The following RIF1 variants were observed in gnomAD, a reference collection of about 807,000 sequenced individuals.
RIF1 encodes telomere-associated protein RIF1.
Under a neutral mutation model 247.1 loss-of-function variants are expected in RIF1, and 45 were observed. The ratio of observed to expected loss-of-function variants is 0.18; its 90% CI spans 0.14 to 0.23. The LOEUF is 0.23. Among genes scored for constraint, RIF1 ranks in the 10% least tolerant of loss-of-function variants. The probability of loss-of-function intolerance (pLI) is 1.00; values close to 1 mark genes in which losing one functional copy is unlikely to be tolerated. For missense variants in RIF1, 2,967 were observed against 2,862.5 expected (o/e 1.04, Z -0.83); for synonymous variants, 1,087 against 978.8 (o/e 1.11, Z -2.06).
Position 151,490,351 on chromosome 2 carries a change from A to C in RIF1, c.*416-4878A>C, listed in dbSNP as rs187316268. ...GAGCTGGCCGGGTGGGACTGCCAAA[A>C]TCAGCGCCAGGCACTTGTACCTGTT... On this transcript the variant is annotated intron_variant and NMD_transcript_variant, in intron 9 of 13. Coordinates refer to the RIF1 transcript ENST00000454583. The C allele has an allele frequency of 8.2e-6, 13 of 1,581,698 alleles. No homozygotes were observed. The African/African-American group carries it at 1.2e-4, about 15-fold the overall frequency.
chr2:151,426,035 C>G (rs1471332134), intron 8 of RIF1, among the ~76,000 whole-genome samples: 2 of 151,624 alleles, frequency 1.3e-5, no homozygotes, highest in Non-Finnish European at 2.9e-5. Flanking sequence ...TATCCAAGCT[C>G]AGTATTCTAT....
chr2:151,436,618 ATG>A (rs1205837730), intron 11 of RIF1, among the ~76,000 whole-genome samples: 2 of 151,904 alleles, frequency 1.3e-5, no homozygotes, highest in African/African-American at 2.4e-5. Context: ...TATGATATAC[ATG>A]TGTGTCATAT....
At chr2:151,506,521 T>C (rs2069023118) in intron 13 of RIF1, 3 of 450,300 alleles carry the variant, frequency 6.7e-6, no homozygotes, top group Non-Finnish European at 1.2e-5. Context: ...AGCCAGGAAA[T>C]GTTGATTAAC....
chr2:151,503,482 C>T (rs778721485), intron 12 of RIF1: 44 of 1,397,590 alleles, frequency 3.1e-5, no homozygotes, highest in Middle Eastern at 1.8e-4. Context: ...GTAAAATGAC[C>T]GTAAATCCTT....
At chr2:151,457,475 A>G (rs908849016) in intron 23 of RIF1, among the ~76,000 whole-genome samples, 1 of 152,182 alleles carries the variant, frequency 6.6e-6, no homozygotes, top group African/African-American at 2.4e-5. Flanking sequence ...ATTGGACCCA[A>G]AGTTTTCTAG....
chr2:151,455,319 T>C (rs897829568), intron 22 of RIF1, among the ~76,000 whole-genome samples, 160 bp downstream of exon 22: 13 of 152,222 alleles, frequency 8.5e-5, no homozygotes, highest in African/African-American at 2.9e-4. Flanking sequence ...GTTAAAATAG[T>C]ATAGAAATAT....
chr2:151,515,016 T>C, the RIF1 span: 1 of 797,524 alleles, frequency 1.3e-6, no homozygotes. Context: ...AAAAACAGCA[T>C]TTTCTATGTA....
chr2:151,509,027 T>TAGGGCTG (rs563284532), downstream of RIF1, among the ~76,000 whole-genome samples: 1 of 152,230 alleles, frequency 6.6e-6, no homozygotes, highest in African/African-American at 2.4e-5. Context: ...TTTTAGTTTG[T>TAGGGCTG]AGGGCTGAGG....
At chr2:151,469,573 A>G (rs1697483578) in intron 33 of RIF1, 138 bp from the exon 34 acceptor site, 3 of 582,800 alleles carry the variant, frequency 5.1e-6, no homozygotes, top group Non-Finnish European at 8.2e-6. Context: ...TAAATTACAC[A>G]TACATGTGCC....
At position 151,493,356 on chromosome 2, in the gene RIF1, G is replaced by A. The variant is rs1261528136; in HGVS notation, c.*416-1873G>A. The A allele has an allele frequency of 6.2e-7, 1 of 1,607,404 alleles. No homozygotes were observed. The highest frequency in any genetic ancestry group is 8.5e-7 in the Non-Finnish European group (1 of 1,174,458). On this transcript the variant is annotated intron_variant and NMD_transcript_variant, in intron 9 of 13. Transcript: ENST00000454583. Reference sequence around the variant, plus strand: ...TCTTTTTAGTCCTAGAAAATACCGAGCTAATGTTTTCTTGGTTGCGCTTAG... The same window carrying A: ...TCTTTTTAGTCCTAGAAAATACCGAACTAATGTTTTCTTGGTTGCGCTTAG...
the RIF1 span, chr2:151,526,195 A>C: frequency 6.2e-7 from 1 of 1,613,916 alleles, no homozygotes; most frequent in Non-Finnish European, 8.5e-7. Context: ...CGCCAGCAGG[A>C]TCTGAGGCGT....
At chr2:151,469,503 C>T (rs1266586922) in intron 33 of RIF1, among the ~76,000 whole-genome samples, 1 of 152,130 alleles carries the variant, frequency 6.6e-6, no homozygotes, top group East Asian at 1.9e-4. Flanking sequence ...GCAGTGGGCT[C>T]ATTCAGTTGC....
chr2:151,499,190 C>A, intron 10 of RIF1: 1 of 566,468 alleles, frequency 1.8e-6, no homozygotes, highest in East Asian at 3.2e-5. Context: ...GGGAAAAAGA[C>A]AGGTCAAATT....
intron 20 of RIF1, among the ~76,000 whole-genome samples, chr2:151,447,178 C>T (rs1014295951): frequency 7.9e-5 from 12 of 151,900 alleles, no homozygotes; most frequent in African/African-American, 2.7e-4. Flanking sequence ...CTCCTGACCT[C>T]GTGATCCGCC....
intron 10 of RIF1, among the ~76,000 whole-genome samples, chr2:151,498,732 G>C (rs1462610079): frequency 1.3e-5 from 2 of 151,946 alleles, no homozygotes; most frequent in Non-Finnish European, 1.5e-5. Context: ...AATCACATAG[G>C]GATATTTGGG....
Position 151,461,294 on chromosome 2 carries a change from G to A in RIF1, c.3227+5G>A. 6.2e-7 allele frequency: 1 copy of A among 1,610,080 alleles called. No homozygotes were observed. Among genetic ancestry groups the A allele is most frequent in the Non-Finnish European group, 8.5e-7 (1 of 1,178,720 alleles). On this transcript the variant is annotated splice_donor_5th_base_variant and intron_variant, in intron 27 of 35. Coordinates refer to ENST00000444746, the MANE Select transcript of RIF1 (RefSeq NM_018151.5). ...AGAAGTTCTCAAAACAAAGCGGTTTGTAGGCCTTTTATCTTGAGTTGGGTA... is the reference window on the plus strand; with the variant it reads ...AGAAGTTCTCAAAACAAAGCGGTTTATAGGCCTTTTATCTTGAGTTGGGTA...
intron 34 of RIF1, among the ~76,000 whole-genome samples, chr2:151,470,438 T>C (rs1046615318): frequency 6.6e-6 from 1 of 152,166 alleles, no homozygotes; most frequent in Non-Finnish European, 1.5e-5. Context: ...TGTTTTGGAC[T>C]TCAGATTTAT....
At position 151,463,977 on chromosome 2, in the gene RIF1, A is replaced by G. The variant is rs762937710; in HGVS notation, c.4457A>G (p.His1486Arg). ...TTAATTGAGAAAGGAAGTAATTTAC[A>G]TGAGAAGACTCTTGGGGAAACTAGT... ...ENLIEKGSNL[H>R]EKTLGETSAN... The change falls in exon 30 of 36, where the codon CAT (histidine) becomes CGT (arginine). Residue 1486 changes from histidine to arginine, a missense_variant. By Grantham distance (29) the His-to-Arg change is conservative (BLOSUM62 0). Around this residue, in one of 7 missense-constraint regions of RIF1, gnomAD observed 2,028 missense variants for 1,825.6 expected, o/e 1.11. Coordinates refer to ENST00000444746, the MANE Select transcript of RIF1 (RefSeq NM_018151.5). 4.4e-6 allele frequency: 7 copies of G among 1,608,450 alleles called. No homozygotes were observed. In the East Asian group the frequency reaches 1.6e-4, roughly 36 times the overall value.
At chr2:151,434,000 C>T (rs953128582) in intron 10 of RIF1, among the ~76,000 whole-genome samples, 1 of 151,618 alleles carries the variant, frequency 6.6e-6, no homozygotes, top group Non-Finnish European at 1.5e-5. Flanking sequence ...GGTGAAACCC[C>T]GTGTCTACTA....
Sources: gnomAD v4.1 joint callset for allele counts (sites outside exome capture counted in the v4.1 genomes callset) on GRCh38, gnomAD v4.1.1 for gene constraint, gnomAD v4.1.1 regional missense constraint, MANE v1.5 for transcripts, NCBI Gene and HGNC (gene_info 2026-07-23, HGNC 2026-07-21) for gene names.